STXBP5L: variants seen among roughly 807,000 people sequenced by gnomAD.
STXBP5L encodes the protein syntaxin binding protein 5L.
STXBP5L carries 65 observed loss-of-function variants against 144.5 expected under a neutral mutation model. The observed-to-expected ratio is 0.45, with a 90% CI of 0.37 to 0.55. STXBP5L has a LOEUF of 0.55. Among genes scored for constraint, STXBP5L ranks in the 20% least tolerant of loss-of-function variants. The probability of loss-of-function intolerance (pLI) is 0.00; values close to 1 mark genes in which losing one functional copy is unlikely to be tolerated. For missense variants in STXBP5L, 1,298 were observed against 1,405.5 expected (o/e 0.92, Z 1.22); for synonymous variants, 505 against 469.6 (o/e 1.08, Z -0.97).
chr3:121,310,004 A>T (rs1468734679), intron 19 of STXBP5L, among the ~76,000 whole-genome samples: 2 of 152,204 alleles, frequency 1.3e-5, no homozygotes, highest in South Asian at 4.1e-4. Flanking sequence ...CAGAATAAAA[A>T]GTCCAGTAAT....
chr3:121,127,617 C>T (rs1370763413), intron 7 of STXBP5L, among the ~76,000 whole-genome samples: 1 of 151,346 alleles, frequency 6.6e-6, no homozygotes, highest in Non-Finnish European at 1.5e-5. Flanking sequence ...TTAGGGCCCA[C>T]CCTAAATCCA....
At chr3:120,914,562 C>A (rs1042931028) in intron 2 of STXBP5L, among the ~76,000 whole-genome samples, 9 of 152,036 alleles carry the variant, frequency 5.9e-5, no homozygotes, top group African/African-American at 1.9e-4. Context: ...GCCCAGATAT[C>A]CTTGAATACT....
At position 121,061,779 on chromosome 3, in the gene STXBP5L, A is replaced by T. The variant is rs548767235; in HGVS notation, c.470+16244A>T. ...GTTTAAAGTCTGTTTTATCAGAGAC[A>T]GGGATTGCAACCCCTGCTTTATTTT... On this transcript the variant is annotated intron_variant, in intron 5 of 26. Coordinates refer to ENST00000471454, the MANE Select transcript of STXBP5L (RefSeq NM_001308330.2). Among the ~76,000 whole-genome samples, 484 of 151,976 alleles carry T rather than the reference A, an allele frequency of 3.2e-3. 7 individuals carry two copies. Among genetic ancestry groups the T allele is most frequent in the Non-Finnish European group, 3.0e-3 (203 of 67,986 alleles).
At chr3:120,966,614 C>CTGCAGAACAGCAAATAT (rs536722865) in intron 3 of STXBP5L, among the ~76,000 whole-genome samples, 2 of 152,184 alleles carry the variant, frequency 1.3e-5, no homozygotes, top group Non-Finnish European at 2.9e-5. Flanking sequence ...CCATTGGAGG[C>CTGCAGAACAGCAAATAT]TGCAGAACAG....
At chr3:121,078,191 T>A (rs2042102613) in intron 5 of STXBP5L, among the ~76,000 whole-genome samples, 1 of 152,148 alleles carries the variant, frequency 6.6e-6, no homozygotes, top group South Asian at 2.1e-4. Context: ...GGGTGCAGAT[T>A]GGTGTGTTTA....
intron 22 of STXBP5L, among the ~76,000 whole-genome samples, chr3:121,402,148 GACTGA>G (rs2046893257): frequency 1.3e-5 from 2 of 152,120 alleles, no homozygotes. Context: ...CCATAATTAA[GACTGA>G]ACTGGAGTAG....
At chr3:121,416,540 C>T (rs1198334211) in intron 25 of STXBP5L, among the ~76,000 whole-genome samples, 1 of 150,140 alleles carries the variant, frequency 6.7e-6, no homozygotes, top group Non-Finnish European at 1.5e-5. Context: ...CAGAGTCTTG[C>T]TCTGTTGCCC....
chr3:120,956,335 CTCT>C lies in STXBP5L; in HGVS notation c.287+1305_287+1307del, dbSNP rs372563050. Among the ~76,000 whole-genome samples the C allele has an allele frequency of 2.6e-3, 392 of 151,988 alleles. 2 individuals are homozygous for C. The highest frequency in any genetic ancestry group is 8.7e-3 in the African/African-American group (361 of 41,524). Reference sequence around the variant, plus strand: ...CATTAAATTATAACTCTCCATGTCCCTCTTCTTCTAGCCCCTGGAAACCACCAT... The same window carrying C: ...CATTAAATTATAACTCTCCATGTCCCTCTTCTAGCCCCTGGAAACCACCAT... On this transcript the variant is annotated intron_variant, in intron 3 of 26. Coordinates refer to ENST00000471454, the MANE Select transcript of STXBP5L (RefSeq NM_001308330.2).
At chr3:121,077,762 G>T (rs948841931) in intron 5 of STXBP5L, among the ~76,000 whole-genome samples, 1 of 152,124 alleles carries the variant, frequency 6.6e-6, no homozygotes, top group Non-Finnish European at 1.5e-5. Flanking sequence ...CACTAGATTA[G>T]CTAGATACAG....
At chr3:121,353,944 G>A (rs188373052) in intron 20 of STXBP5L, among the ~76,000 whole-genome samples, 3 of 152,288 alleles carry the variant, frequency 2.0e-5, no homozygotes, top group South Asian at 4.1e-4. Flanking sequence ...TATTTACCCA[G>A]TAGTCATTCA....
intron 5 of STXBP5L, among the ~76,000 whole-genome samples, chr3:121,069,174 A>G (rs1356346522): frequency 2.0e-5 from 3 of 152,182 alleles, no homozygotes; most frequent in Non-Finnish European, 4.4e-5. Flanking sequence ...TCCTATTTCT[A>G]ACGCCTGGAA....
intron 3 of STXBP5L, among the ~76,000 whole-genome samples, chr3:120,989,936 T>G (rs978467098): frequency 2.0e-5 from 3 of 152,156 alleles, no homozygotes; most frequent in African/African-American, 4.8e-5. Context: ...CTGCTCAACA[T>G]AGTGTTGGAA....
intron 9 of STXBP5L, among the ~76,000 whole-genome samples, chr3:121,172,028 AG>A: frequency 6.6e-6 from 1 of 152,200 alleles, no homozygotes; most frequent in Non-Finnish European, 1.5e-5. Context: ...AACAGAACCA[AG>A]GCCTCAGAAA....
At chr3:121,359,990 T>TATATATATTATTACTATATAATATA (rs1576282469) in intron 20 of STXBP5L, among the ~76,000 whole-genome samples, 3 of 145,948 alleles carry the variant, frequency 2.1e-5, no homozygotes, top group Non-Finnish European at 4.5e-5. Flanking sequence ...ATATATATAA[T>TATATATATTATTACTATATAATATA]ATATATATTA....
intron 3 of STXBP5L, among the ~76,000 whole-genome samples, chr3:121,009,501 A>G (rs1224726401): frequency 6.6e-6 from 1 of 151,892 alleles, no homozygotes; most frequent in Non-Finnish European, 1.5e-5. Flanking sequence ...TTTTAACACA[A>G]CCACATCTGA....
chr3:121,401,453 A>G (rs1317321793), intron 22 of STXBP5L, among the ~76,000 whole-genome samples: 1 of 147,692 alleles, frequency 6.8e-6, no homozygotes, highest in Non-Finnish European at 1.5e-5. Context: ...ACGTATGTTT[A>G]TTGCGGCACT....
chr3:120,950,774 T>A (rs1039558616), intron 2 of STXBP5L, among the ~76,000 whole-genome samples: 1 of 152,136 alleles, frequency 6.6e-6, no homozygotes, highest in African/African-American at 2.4e-5. Context: ...AAGCTACCAA[T>A]GATTTTCTTC....
chr3:121,052,122 A>T (rs993331706), intron 5 of STXBP5L, among the ~76,000 whole-genome samples: 1 of 152,212 alleles, frequency 6.6e-6, no homozygotes, highest in African/African-American at 2.4e-5. Flanking sequence ...CCAGGACCAG[A>T]TGGATTCACA....
intron 3 of STXBP5L, among the ~76,000 whole-genome samples, chr3:121,008,821 A>G (rs1226938742): frequency 6.6e-6 from 1 of 151,996 alleles, no homozygotes; most frequent in Non-Finnish European, 1.5e-5. Flanking sequence ...TGTTTCTGAG[A>G]TAGTGGTCCA....
Sources: allele counts gnomAD v4.1 joint callset (sites outside exome capture counted in the v4.1 genomes callset), GRCh38; gene constraint gnomAD v4.1.1; transcripts MANE v1.5; gene names NCBI Gene and HGNC (gene_info 2026-07-23, HGNC 2026-07-21).